ASPRV1: variants seen among roughly 807,000 people sequenced by gnomAD.
ASPRV1 encodes the protein retroviral-like aspartic protease 1.
ASPRV1 carries 7 observed loss-of-function variants against 11.0 expected under a neutral mutation model. The ratio of observed to expected loss-of-function variants is 0.64; its 90% CI spans 0.36 to 1.20. The LOEUF is 1.20. Ranked by LOEUF, ASPRV1 falls within the 50% of genes most tolerant of loss-of-function variation. The pLI is 0.02. For synonymous variants in ASPRV1, 136 were observed against 138.4 expected, an observed-to-expected ratio of 0.98 and a Z score of 0.12; for missense variants, 299 against 320.0, an observed-to-expected ratio of 0.93 and a Z score of 0.50.
chr2:69,946,145 AC>A, the ASPRV1 span, among the ~76,000 whole-genome samples: 1 of 152,116 alleles, frequency 6.6e-6, no homozygotes. Flanking sequence ...AGAACATCCA[AC>A]ACACTCGCCT....
chr2:70,035,507 C>G, the ASPRV1 span, among the ~76,000 whole-genome samples: 1 of 151,804 alleles, frequency 6.6e-6, no homozygotes, highest in Non-Finnish European at 1.5e-5. Flanking sequence ...TTCACTCACT[C>G]ACTCATTTAC....
chr2:70,035,356 G>A, the ASPRV1 span, among the ~76,000 whole-genome samples: 1 of 152,004 alleles, frequency 6.6e-6, no homozygotes, highest in Non-Finnish European at 1.5e-5. Context: ...AAGTCCTATG[G>A]TGCCTCCATT....
the ASPRV1 span, among the ~76,000 whole-genome samples, chr2:70,065,411 A>AAAAAC: frequency 6.6e-6 from 1 of 151,524 alleles, no homozygotes; most frequent in Non-Finnish European, 1.5e-5. Context: ...AAAAAAAAAA[A>AAAAAC]AAGACAATAT....
At chr2:70,054,483 G>A in the ASPRV1 span, among the ~76,000 whole-genome samples, 1 of 148,994 alleles carries the variant, frequency 6.7e-6, no homozygotes, top group Non-Finnish European at 1.5e-5. Context: ...AGGAGGCTGA[G>A]GCAGAATTGT....
chr2:69,952,469 C>T, the ASPRV1 span, among the ~76,000 whole-genome samples: 3 of 150,378 alleles, frequency 2.0e-5, no homozygotes, highest in Non-Finnish European at 4.4e-5. Flanking sequence ...CGTGACACTG[C>T]ACTCCAGCCT....
chr2:70,044,874 CCTGA>C, the ASPRV1 span, among the ~76,000 whole-genome samples: 1 of 152,194 alleles, frequency 6.6e-6, no homozygotes, highest in Non-Finnish European at 1.5e-5. Context: ...CCCCATCACA[CCTGA>C]CTTTGTGAGC....
the ASPRV1 span, among the ~76,000 whole-genome samples, chr2:70,074,087 T>C: frequency 8.6e-6 from 1 of 116,180 alleles, no homozygotes; most frequent in Non-Finnish European, 1.6e-5. Flanking sequence ...TGAGCCGAGA[T>C]CTCGCCACTG....
At chr2:69,964,421 T>C (rs745814443), upstream of ASPRV1, 4 of 431,798 alleles carry the variant, frequency 9.3e-6, no homozygotes, top group South Asian at 6.6e-5. Flanking sequence ...TGGGAGTCTG[T>C]CTCTGGCTAG....
At chr2:70,015,669 T>G in the ASPRV1 span, 1 of 152,144 alleles carries the variant, frequency 6.6e-6, no homozygotes, top group Admixed American at 6.5e-5. Flanking sequence ...ACAATAATAG[T>G]AGGGGACTTT....
At chr2:69,997,864 C>T in the ASPRV1 span, 2 of 152,234 alleles carry the variant, frequency 1.3e-5, no homozygotes, top group African/African-American at 2.4e-5. Flanking sequence ...TCTTCCTCAT[C>T]GTTATTAATA....
chr2:69,968,604 T>C, the ASPRV1 span: 2 of 152,214 alleles, frequency 1.3e-5, no homozygotes, highest in East Asian at 3.8e-4. Context: ...AGAAAATAGA[T>C]CTAAGAGGGT....
chr2:70,057,531 T>A, the ASPRV1 span, among the ~76,000 whole-genome samples: 1 of 151,880 alleles, frequency 6.6e-6, no homozygotes, highest in South Asian at 2.1e-4. Context: ...CGGGCTGGAG[T>A]GCAGTGGTGT....
the ASPRV1 span, among the ~76,000 whole-genome samples, chr2:69,987,414 C>T: frequency 5.9e-5 from 9 of 151,820 alleles, no homozygotes; most frequent in Admixed American, 5.3e-4. Context: ...GGCCTCTTGA[C>T]TCTTATCTTT....
chr2:70,068,098 C>G, the ASPRV1 span, among the ~76,000 whole-genome samples: 1 of 152,230 alleles, frequency 6.6e-6, no homozygotes, highest in Non-Finnish European at 1.5e-5. Flanking sequence ...GCCCTGGTCA[C>G]CAATCTCTGA....
chr2:70,022,362 TACAC>T, the ASPRV1 span, among the ~76,000 whole-genome samples: 9,906 of 113,378 alleles, frequency 0.087, 1,046 homozygotes, highest in African/African-American at 0.3. Flanking sequence ...CACACACACT[TACAC>T]ACACACACAC....
chr2:69,964,294 C>G, upstream of ASPRV1: 1 of 448,246 alleles, frequency 2.2e-6, no homozygotes, highest in Non-Finnish European at 4.5e-6. Context: ...GGCAGATGGC[C>G]CTTCGGGCTG....
the ASPRV1 span, among the ~76,000 whole-genome samples, chr2:69,945,425 C>T: frequency 3.9e-5 from 6 of 152,320 alleles, no homozygotes; most frequent in South Asian, 1.0e-3. Flanking sequence ...AACTGGGTGG[C>T]GAGGCAGCTC....
the ASPRV1 span, among the ~76,000 whole-genome samples, chr2:70,072,733 GAAATA>G: frequency 6.6e-6 from 1 of 151,172 alleles, no homozygotes; most frequent in Non-Finnish European, 1.5e-5. Flanking sequence ...AAAATAAAAT[GAAATA>G]AAATAAAATA....
chr2:70,050,970 A>C, the ASPRV1 span: 4 of 152,134 alleles, frequency 2.6e-5, no homozygotes, highest in Non-Finnish European at 5.9e-5. Context: ...TTCAAAAGTC[A>C]TGAATAAGTG....
Sources: allele counts gnomAD v4.1 joint callset (sites outside exome capture counted in the v4.1 genomes callset), GRCh38; gene constraint gnomAD v4.1.1; transcripts MANE v1.5; gene names NCBI Gene and HGNC (gene_info 2026-07-23, HGNC 2026-07-21).